The following GRID2 variants were observed in gnomAD, a reference collection of about 807,000 sequenced individuals.
GRID2 encodes the protein glutamate receptor ionotropic, delta-2.
GRID2 carries 33 observed loss-of-function variants against 114.8 expected under a neutral mutation model. That is an observed-to-expected ratio of 0.29 (90% CI 0.22 to 0.38). The LOEUF (loss-of-function observed/expected upper bound fraction) is 0.38, where lower values mean the gene tolerates loss of function less well. GRID2 is among the 10% of genes least tolerant of loss of function. The pLI is 1.00. For missense variants in GRID2, 1,184 were observed against 1,257.7 expected (o/e 0.94, Z 0.89); for synonymous variants, 505 against 449.9 (o/e 1.12, Z -1.55).
At chr4:93,251,010 CT>C in intron 8 of GRID2, among the ~76,000 whole-genome samples, 1 of 152,056 alleles carries the variant, frequency 6.6e-6, no homozygotes, top group Non-Finnish European at 1.5e-5. Flanking sequence ...TAAAGATGTC[CT>C]TATTTACCTG....
chr4:92,844,036 T>A (rs1743109591), intron 2 of GRID2, among the ~76,000 whole-genome samples: 1 of 152,112 alleles, frequency 6.6e-6, no homozygotes, highest in Non-Finnish European at 1.5e-5. Context: ...CACCACTGAT[T>A]TAATAAAAAA....
intron 13 of GRID2, among the ~76,000 whole-genome samples, chr4:93,583,526 T>C (rs377302949): frequency 6.6e-6 from 1 of 152,136 alleles, no homozygotes; most frequent in African/African-American, 2.4e-5. Flanking sequence ...ATTCTTGGCA[T>C]AGTGCTGGAT....
intron 2 of GRID2, among the ~76,000 whole-genome samples, chr4:92,618,344 C>T (rs1190832835): frequency 1.3e-5 from 2 of 151,630 alleles, no homozygotes; most frequent in Admixed American, 6.6e-5. Context: ...TTTCTGGGTT[C>T]TCTTTTCTGT....
intron 1 of GRID2, among the ~76,000 whole-genome samples, chr4:92,522,755 T>C (rs1171955122): frequency 6.6e-6 from 1 of 151,880 alleles, no homozygotes; most frequent in Non-Finnish European, 1.5e-5. Context: ...GAGGAAGGAA[T>C]GCTTCTCAAA....
At chr4:93,576,915 A>T (rs949867432) in intron 13 of GRID2, among the ~76,000 whole-genome samples, 1 of 152,200 alleles carries the variant, frequency 6.6e-6, no homozygotes, top group African/African-American at 2.4e-5. Context: ...TGGAAATGGA[A>T]GGATGAAAAA....
At chr4:92,549,385 T>G (rs775395350) in intron 1 of GRID2, among the ~76,000 whole-genome samples, 4 of 152,286 alleles carry the variant, frequency 2.6e-5, no homozygotes, top group Admixed American at 6.5e-5. Context: ...ATATTTAGTC[T>G]TCTTCTCTCT....
At chr4:92,718,988 CAG>C (rs1735681193) in intron 2 of GRID2, among the ~76,000 whole-genome samples, 1 of 151,430 alleles carries the variant, frequency 6.6e-6, no homozygotes, top group South Asian at 2.1e-4. Flanking sequence ...TATCAAAAGA[CAG>C]ATTTTTTTTT....
intron 4 of GRID2, among the ~76,000 whole-genome samples, chr4:93,118,162 C>A (rs1370801025): frequency 6.6e-6 from 1 of 152,146 alleles, no homozygotes; most frequent in Non-Finnish European, 1.5e-5. Flanking sequence ...CCTGCTTCAC[C>A]AGATATCATT....
At chr4:92,709,589 A>AAAAATAC (rs779775767) in intron 2 of GRID2, among the ~76,000 whole-genome samples, 3 of 114,660 alleles carry the variant, frequency 2.6e-5, no homozygotes, top group African/African-American at 3.4e-5. Context: ...AAAAAAAAAA[A>AAAAATAC]ATATATATAT....
intron 2 of GRID2, among the ~76,000 whole-genome samples, chr4:92,875,915 CTA>C (rs1745594102): frequency 6.6e-6 from 1 of 152,104 alleles, no homozygotes; most frequent in African/African-American, 2.4e-5. Context: ...CTTCCCAACT[CTA>C]TTAGTTCAAT....
chr4:93,094,554 A>G (rs1340696361), intron 3 of GRID2, among the ~76,000 whole-genome samples: 1 of 152,046 alleles, frequency 6.6e-6, no homozygotes, highest in East Asian at 1.9e-4. Flanking sequence ...AACAGCTGAA[A>G]AAAATCAATA....
chr4:92,689,003 C>T (rs78351999), intron 2 of GRID2, among the ~76,000 whole-genome samples: 13,649 of 152,138 alleles, frequency 0.09, 766 homozygotes, highest in Middle Eastern at 0.17. Context: ...AGGAGATTTA[C>T]AAATCTTGTA....
intron 13 of GRID2, among the ~76,000 whole-genome samples, chr4:93,558,257 AAG>A (rs1335785046): frequency 6.6e-6 from 1 of 152,066 alleles, no homozygotes; most frequent in Non-Finnish European, 1.5e-5. Context: ...CTGAAGGAGA[AAG>A]AGACACGAAA....
intron 13 of GRID2, among the ~76,000 whole-genome samples, chr4:93,617,035 C>T (rs1741746860): frequency 6.6e-6 from 1 of 151,838 alleles, no homozygotes; most frequent in African/African-American, 2.4e-5. Context: ...TGATTTGAAG[C>T]TCCATTTTTA....
intron 2 of GRID2, among the ~76,000 whole-genome samples, chr4:92,771,207 C>G (rs924658019): frequency 3.9e-5 from 6 of 152,016 alleles, no homozygotes; most frequent in African/African-American, 1.2e-4. Flanking sequence ...TTTGAGAAAC[C>G]TTCTCCAAAA....
At chr4:93,658,710 A>G (rs1723229116) in intron 14 of GRID2, among the ~76,000 whole-genome samples, 1 of 152,158 alleles carries the variant, frequency 6.6e-6, no homozygotes, top group Admixed American at 6.5e-5. Context: ...TTCTCTAGAG[A>G]ATGAATGAGT....
chr4:93,134,729 G>A (rs946180656), intron 4 of GRID2, among the ~76,000 whole-genome samples: 24 of 152,056 alleles, frequency 1.6e-4, no homozygotes, highest in South Asian at 6.2e-4. Flanking sequence ...AGCTTATAAT[G>A]ATAATATTGA....
At chr4:93,660,208 T>C (rs1560873041) in intron 14 of GRID2, among the ~76,000 whole-genome samples, 1 of 152,196 alleles carries the variant, frequency 6.6e-6, no homozygotes, top group Non-Finnish European at 1.5e-5. Flanking sequence ...TAATGTCAGT[T>C]AAAATGCTAT....
chr4:93,573,582 T>C (rs1736131615), intron 13 of GRID2, among the ~76,000 whole-genome samples: 1 of 152,298 alleles, frequency 6.6e-6, no homozygotes, highest in Non-Finnish European at 1.5e-5. Context: ...TTCTGCCAGA[T>C]CCTCCTTAGT....
Sources: gnomAD v4.1 joint callset for allele counts (sites outside exome capture counted in the v4.1 genomes callset) on GRCh38, gnomAD v4.1.1 for gene constraint, MANE v1.5 for transcripts, NCBI Gene and HGNC (gene_info 2026-07-23, HGNC 2026-07-21) for gene names.